Variants in NELL1 observed in about 807,000 individuals in gnomAD.
NELL1 encodes the protein protein kinase C-binding protein NELL1.
In NELL1, 76 loss-of-function variants were observed where a neutral mutation model predicts 107.4. The ratio of observed to expected loss-of-function variants is 0.71; its 90% confidence interval spans 0.59 to 0.86. The LOEUF (loss-of-function observed/expected upper bound fraction) is 0.86, where lower values mean the gene tolerates loss of function less well. Ranked by LOEUF, NELL1 falls within the 40% of genes least tolerant of loss-of-function variation. The probability of loss-of-function intolerance (pLI) is 0.00; values close to 1 mark genes in which losing one functional copy is unlikely to be tolerated. For missense variants in NELL1, 1,024 were observed against 1,005.5 expected, an observed-to-expected ratio of 1.02 and a Z score of -0.25; for synonymous variants, 353 against 341.2, an observed-to-expected ratio of 1.03 and a Z score of -0.38.
At chr11:21,514,722 G>A in intron 15 of NELL1, among the ~76,000 whole-genome samples, 1 of 143,266 alleles carries the variant, frequency 7.0e-6, no homozygotes, top group East Asian at 1.9e-4. Context: ...GACTGTTTGG[G>A]TCATCTATGC....
In NELL1 at chr11:21,003,763, C is replaced by G. The variant is rs139832490; in HGVS notation, c.1300+43203C>G. Among the ~76,000 whole-genome samples, 453 of 152,118 alleles carry G rather than the reference C, an allele frequency of 3.0e-3. 3 individuals carry two copies. Among genetic ancestry groups the G allele is most frequent in the African/African-American group, 0.01 (422 of 41,518 alleles). ...AAGAAACAAACTGTGAGCACTAATG[C>G]TAGATTACCTTTTTTTAATTTTTTT... is the stretch of plus-strand genomic sequence containing the variant. On this transcript the variant is annotated intron_variant, in intron 12 of 19. Transcript: ENST00000357134.
intron 15 of NELL1, among the ~76,000 whole-genome samples, chr11:21,390,626 A>G (rs138347237): frequency 6.6e-5 from 10 of 151,828 alleles, no homozygotes; most frequent in African/African-American, 2.4e-4. Flanking sequence ...TATGTAAGCA[A>G]TATTTATAGG....
intron 14 of NELL1, among the ~76,000 whole-genome samples, chr11:21,237,310 G>A (rs1267897353): frequency 2.0e-5 from 3 of 151,980 alleles, no homozygotes; most frequent in African/African-American, 4.8e-5. Context: ...ATAGTACCCC[G>A]GGCATTTAAT....
At chr11:20,962,389 A>G (rs1467027451) in intron 12 of NELL1, among the ~76,000 whole-genome samples, 1 of 152,204 alleles carries the variant, frequency 6.6e-6, no homozygotes, top group Non-Finnish European at 1.5e-5. Flanking sequence ...TCCTATATGC[A>G]GGGATAGACG....
intron 13 of NELL1, among the ~76,000 whole-genome samples, chr11:21,213,953 A>G (rs952070429): frequency 6.6e-6 from 1 of 152,196 alleles, no homozygotes. Context: ...AGCACTATAT[A>G]TAAACTAAGA....
intron 2 of NELL1, among the ~76,000 whole-genome samples, chr11:20,705,260 C>G (rs913541656): frequency 3.9e-4 from 59 of 152,280 alleles, no homozygotes; most frequent in Admixed American, 2.7e-3. Context: ...TGACTTCAAA[C>G]TATATGCTAC....
At chr11:21,573,777 G>A (rs1591048587) in intron 19 of NELL1, among the ~76,000 whole-genome samples, 1 of 151,658 alleles carries the variant, frequency 6.6e-6, no homozygotes, top group East Asian at 2.0e-4. Flanking sequence ...GGAAGGAAGG[G>A]AGGGAGGGAA....
intron 15 of NELL1, among the ~76,000 whole-genome samples, chr11:21,396,641 T>G (rs961153985): frequency 1.3e-5 from 2 of 151,592 alleles, no homozygotes; most frequent in Admixed American, 6.6e-5. Flanking sequence ...TATTAATGCA[T>G]GATTTAAAAG....
intron 2 of NELL1, among the ~76,000 whole-genome samples, chr11:20,685,324 A>G (rs896061251): frequency 7.9e-5 from 12 of 152,082 alleles, no homozygotes; most frequent in South Asian, 6.2e-4. Flanking sequence ...ATTAAAATTA[A>G]TTAAAATTAT....
intron 4 of NELL1, among the ~76,000 whole-genome samples, chr11:20,883,777 T>C (rs796698090): frequency 3.3e-4 from 51 of 152,324 alleles, no homozygotes; most frequent in African/African-American, 1.2e-3. Context: ...TTAATGACTG[T>C]AGTAAATTCT....
chr11:21,524,739 A>G (rs535883355), intron 15 of NELL1, among the ~76,000 whole-genome samples: 2 of 152,342 alleles, frequency 1.3e-5, no homozygotes, highest in South Asian at 4.1e-4. Context: ...TGTAATTACT[A>G]GAGGAGCAGG....
At chr11:20,962,747 G>A (rs1162457870) in intron 12 of NELL1, among the ~76,000 whole-genome samples, 1 of 152,224 alleles carries the variant, frequency 6.6e-6, no homozygotes, top group Non-Finnish European at 1.5e-5. Context: ...GTTTAGCTCA[G>A]TGTATGAGCC....
At chr11:21,361,330 G>T (rs1026031943) in intron 14 of NELL1, among the ~76,000 whole-genome samples, 1 of 133,414 alleles carries the variant, frequency 7.5e-6, no homozygotes, top group African/African-American at 2.9e-5. Flanking sequence ...CTTCTTGCTT[G>T]TAAGGTTTCT....
intron 15 of NELL1, among the ~76,000 whole-genome samples, chr11:21,382,753 T>G (rs751856513): frequency 2.0e-5 from 3 of 151,940 alleles, no homozygotes. Context: ...CTGTTAGAGA[T>G]TACCTTGCCT....
At chr11:21,062,657 G>C (rs1853769704) in intron 12 of NELL1, among the ~76,000 whole-genome samples, 1 of 152,078 alleles carries the variant, frequency 6.6e-6, no homozygotes, top group Non-Finnish European at 1.5e-5. Context: ...ACAAGCTAAA[G>C]GGCACATTCC....
intron 2 of NELL1, among the ~76,000 whole-genome samples, chr11:20,692,855 C>G (rs11025698): frequency 0.13 from 19,134 of 152,100 alleles, 1,280 homozygotes; most frequent in African/African-American, 0.15. Flanking sequence ...AACTTTCTGT[C>G]TCGTTGATCT....
intron 5 of NELL1, among the ~76,000 whole-genome samples, chr11:20,910,936 A>C (rs1590406575): frequency 6.6e-6 from 1 of 152,214 alleles, no homozygotes; most frequent in African/African-American, 2.4e-5. Context: ...ACATGTCTCC[A>C]TCCCTTTTTA....
chr11:21,403,967 T>C (rs1023203587), intron 15 of NELL1, among the ~76,000 whole-genome samples: 10 of 149,342 alleles, frequency 6.7e-5, no homozygotes, highest in South Asian at 2.1e-4. Context: ...CCTCTAACCC[T>C]TGATCAATGT....
intron 15 of NELL1, among the ~76,000 whole-genome samples, chr11:21,490,353 G>C (rs962013124): frequency 1.3e-5 from 2 of 150,948 alleles, no homozygotes; most frequent in African/African-American, 4.9e-5. Flanking sequence ...TATTATAATG[G>C]CCATACTGTC....
Sources: allele counts gnomAD v4.1 joint callset (sites outside exome capture counted in the v4.1 genomes callset), GRCh38; gene constraint gnomAD v4.1.1; transcripts MANE v1.5; gene names NCBI Gene and HGNC (gene_info 2026-07-23, HGNC 2026-07-21).